Variants in PFKFB4 observed in about 807,000 individuals in gnomAD.
The protein encoded by PFKFB4 is 6-phosphofructo-2-kinase/fructose-2,6-bisphosphatase 4.
PFKFB4 carries 42 observed loss-of-function variants against 62.8 expected under a neutral mutation model. That is an observed-to-expected ratio of 0.67 (90% confidence interval 0.52 to 0.86). The LOEUF (loss-of-function observed/expected upper bound fraction) is 0.86, where lower values mean the gene tolerates loss of function less well. PFKFB4 is among the 40% of genes least tolerant of loss of function. The pLI is 0.00. For synonymous variants in PFKFB4, 204 were observed against 240.7 expected, an observed-to-expected ratio of 0.85 and a Z score of 1.41; for missense variants, 475 against 627.2, an observed-to-expected ratio of 0.76 and a Z score of 2.59.
intron 4 of PFKFB4, 73 bp from the exon 5 acceptor site, chr3:48,539,844 G>T: frequency 8.5e-7 from 1 of 1,178,886 alleles, no homozygotes; most frequent in Non-Finnish European, 1.3e-6. Context: ...CCTGAAGTGG[G>T]CAGTGAGGGC....
chr3:48,562,731 C>T (rs2043452905), upstream of PFKFB4: 2 of 1,463,886 alleles, frequency 1.4e-6, no homozygotes, highest in African/African-American at 1.4e-5. This position sits in a 1 kb window ranked among gnomAD's most constrained non-coding sequence, Gnocchi z 4.3. Context: ...GTGTGGCTGC[C>T]CTCCAGGTCT....
Position 48,525,596 on chromosome 3 carries a change from T to C in PFKFB4, c.1061A>G (p.Asp354Gly). ...YPLEFALRDQ[D>G]KYRYRYPKGE... Reference sequence around the variant, plus strand: ...TTTAGGGTACCGGTACCGGTACTTGTCCTGGTCCCGCAGGGCGAACTCCAG... The same window carrying C: ...TTTAGGGTACCGGTACCGGTACTTGCCCTGGTCCCGCAGGGCGAACTCCAG... The change falls in exon 10 of 14, where the codon GAC becomes GGC. Residue 354 changes from aspartate (D) to glycine (G), a missense_variant. Physicochemically the swap from Asp to Gly is moderately conservative, Grantham distance 94. Transcript: ENST00000232375. 6.2e-7 allele frequency: 1 copy of C among 1,606,844 alleles called. No individual in the cohort carries two copies. Among genetic ancestry groups the C allele is most frequent in the Non-Finnish European group, 8.5e-7 (1 of 1,175,654 alleles).
chr3:48,521,901 G>A lies in PFKFB4; in HGVS notation c.1350+85C>T, dbSNP rs2042104046. The A allele has an allele frequency of 8.7e-7, 1 of 1,147,206 alleles. No individual in the cohort carries two copies. Among genetic ancestry groups the A allele is most frequent in the Non-Finnish European group, 1.3e-6 (1 of 754,576 alleles). The allele number at this position is 1,147,206 out of a possible 1,614,324, so 71.1% of individuals were successfully genotyped here. On this transcript the variant is annotated intron_variant, in intron 13 of 13. Transcript: ENST00000232375. The surrounding 1 kb of genome is among the most constrained non-coding windows in gnomAD (Gnocchi z 5.3). ...CAAGCTCCCTCTGGCAGGTGCCGCA[G>A]CTGGGCCTGGCCCTGGAGGATGTGC... is the stretch of plus-strand genomic sequence containing the variant.
upstream of PFKFB4, among the ~76,000 whole-genome samples, chr3:48,558,861 C>T (rs372488554): frequency 1.2e-3 from 179 of 152,372 alleles, no homozygotes; most frequent in African/African-American, 3.4e-3. Context: ...TCATTCTGTT[C>T]GTGACACAGC....
chr3:48,549,782 G>A, intron 3 of PFKFB4, 82 bp downstream of exon 3: 8 of 884,954 alleles, frequency 9.0e-6, no homozygotes, highest in Non-Finnish European at 1.5e-5. Flanking sequence ...GGGCTTCTCA[G>A]TAAATGGTCA....
In PFKFB4 at chr3:48,522,011, A is replaced by G. The variant is rs1258619103; in HGVS notation, c.1325T>C (p.Val442Ala). Reference sequence around the variant, plus strand: ...CTGAGGCCTGTCCCGGTGCGTGTTCACAGCAGCCACGTTCAGGAATATGGA... The same window carrying G: ...CTGAGGCCTGTCCCGGTGCGTGTTCGCAGCAGCCACGTTCAGGAATATGGA... ...VESIFLNVAA[V>A]NTHRDRPQNV... The change falls in exon 13 of 14, where the codon GTG becomes GCG. Residue 442 changes from valine (V) to alanine (A), a missense_variant. Coordinates refer to ENST00000232375, the MANE Select transcript of PFKFB4 (RefSeq NM_004567.4). 11 of 1,614,018 alleles carry G rather than the reference A, an allele frequency of 6.8e-6. No homozygotes were observed. Among genetic ancestry groups the G allele is most frequent in the Non-Finnish European group, 9.3e-6 (11 of 1,179,968 alleles).
chr3:48,535,107 C>T (rs745977868), intron 9 of PFKFB4, among the ~76,000 whole-genome samples: 9 of 152,174 alleles, frequency 5.9e-5, no homozygotes, highest in African/African-American at 1.2e-4. Flanking sequence ...CCGCACCTGG[C>T]GAGAACAGCA....
At chr3:48,532,628 AT>A (rs1238288375) in intron 9 of PFKFB4, among the ~76,000 whole-genome samples, 1 of 152,328 alleles carries the variant, frequency 6.6e-6, no homozygotes, top group East Asian at 1.9e-4. Flanking sequence ...AAGTGGTAGA[AT>A]CGCTTGAGGC....
intron 9 of PFKFB4, chr3:48,525,917 T>C (rs1294765703): frequency 6.5e-6 from 2 of 307,100 alleles, no homozygotes; most frequent in Middle Eastern, 1.8e-3. Flanking sequence ...CACACAGAGA[T>C]GCTATGTGTT....
chr3:48,549,837 C>A, intron 3 of PFKFB4, 27 bp downstream of exon 3: 2 of 1,404,724 alleles, frequency 1.4e-6, no homozygotes, highest in Non-Finnish European at 2.0e-6. Flanking sequence ...AGCAACCTCT[C>A]CCCCCACACC....
At chr3:48,559,453 C>T (rs530111613), upstream of PFKFB4, 43 of 453,322 alleles carry the variant, frequency 9.5e-5, no homozygotes, top group South Asian at 6.5e-4. Flanking sequence ...CAACTCCCAG[C>T]CTTCCAGACC....
chr3:48,529,389 G>T (rs2042363297), intron 9 of PFKFB4, among the ~76,000 whole-genome samples: 1 of 152,136 alleles, frequency 6.6e-6, no homozygotes, highest in South Asian at 2.1e-4. Context: ...ATGATTAATG[G>T]ATCATAAAAA....
At chr3:48,560,708 T>C (rs2043418768), upstream of PFKFB4, among the ~76,000 whole-genome samples, 2 of 152,216 alleles carry the variant, frequency 1.3e-5, no homozygotes, top group African/African-American at 4.8e-5. Context: ...AATGAGCCTC[T>C]AGACTTCCCC....
intron 1 of PFKFB4, among the ~76,000 whole-genome samples, chr3:48,555,454 G>T (rs766388657): frequency 6.6e-6 from 1 of 152,180 alleles, no homozygotes; most frequent in Non-Finnish European, 1.5e-5. Context: ...ATAAGCAGAG[G>T]CAGGATCACA....
chr3:48,561,105 C>A, upstream of PFKFB4: 1 of 1,284,070 alleles, frequency 7.8e-7, no homozygotes, highest in South Asian at 1.3e-5. The surrounding 1 kb of genome is among the most constrained non-coding windows in gnomAD (Gnocchi z 5.2). Flanking sequence ...TCCTAACGAG[C>A]CTCTGTCCAT....
At chr3:48,540,242 G>A (rs2042757934) in intron 4 of PFKFB4, among the ~76,000 whole-genome samples, 1 of 152,208 alleles carries the variant, frequency 6.6e-6, no homozygotes, top group Non-Finnish European at 1.5e-5. Flanking sequence ...AACAGGAGAT[G>A]GAGACATCAA....
At chr3:48,529,696 A>G (rs1411458691) in intron 9 of PFKFB4, among the ~76,000 whole-genome samples, 1 of 152,246 alleles carries the variant, frequency 6.6e-6, no homozygotes, top group Non-Finnish European at 1.5e-5. Context: ...GAGATTATCA[A>G]TTCTGAAGAG....
rs764922747 is a variant in PFKFB4 at position 48,523,692 on chromosome 3, A to G, written c.1222+9T>C. On this transcript the variant is annotated intron_variant, in intron 11 of 13. Transcript: ENST00000232375. ...AACCTTCCCACCTCCCCCGGGGCACAGCCCACACCTGCTGCCTTGTCGAGG... is the reference window on the plus strand; with the variant it reads ...AACCTTCCCACCTCCCCCGGGGCACGGCCCACACCTGCTGCCTTGTCGAGG... The G allele has an allele frequency of 6.2e-7, 1 of 1,614,126 alleles. No homozygotes were observed. The highest frequency in any genetic ancestry group is 8.5e-7 in the Non-Finnish European group (1 of 1,179,984).
chr3:48,545,520 T>C (rs1387885230), intron 3 of PFKFB4, among the ~76,000 whole-genome samples: 3 of 152,158 alleles, frequency 2.0e-5, no homozygotes, highest in African/African-American at 7.2e-5. Flanking sequence ...ATGCCTGAAA[T>C]ACAGCGGCAG....
Sources: allele counts gnomAD v4.1 joint callset (sites outside exome capture counted in the v4.1 genomes callset), GRCh38; gene constraint gnomAD v4.1.1; non-coding constraint Gnocchi (gnomAD v3.1); transcripts MANE v1.5; gene names NCBI Gene and HGNC (gene_info 2026-07-23, HGNC 2026-07-21).